Variants in PCDHGA1 observed in about 807,000 individuals in gnomAD.
PCDHGA1 encodes the protein protocadherin gamma subfamily A, 1, also known as protocadherin gamma-A1.
Under a neutral mutation model 58.0 loss-of-function variants are expected in PCDHGA1, and 32 were observed. That is an observed-to-expected ratio of 0.55 (90% CI 0.42 to 0.74). PCDHGA1 has a LOEUF of 0.74. Among genes scored for constraint, PCDHGA1 ranks in the 30% least tolerant of loss-of-function variants. PCDHGA1 has a pLI of 0.00. For synonymous variants in PCDHGA1, 498 were observed against 501.1 expected, an observed-to-expected ratio of 0.99 and a Z score of 0.08; for missense variants, 1,205 against 1,182.3, an observed-to-expected ratio of 1.02 and a Z score of -0.28.
At chr5:141,461,617 C>T (rs1297064745) in intron 1 of PCDHGA1, among the ~76,000 whole-genome samples, 1 of 152,090 alleles carries the variant, frequency 6.6e-6, no homozygotes, top group African/African-American at 2.4e-5. Flanking sequence ...AAAGTATTTT[C>T]TAATACACCT....
intron 1 of PCDHGA1, chr5:141,339,494 A>AAT: frequency 6.2e-7 from 1 of 1,614,110 alleles, no homozygotes; most frequent in Non-Finnish European, 8.5e-7. Flanking sequence ...ACTCAACCCA[A>AAT]ATGACCACTT....
intron 1 of PCDHGA1, chr5:141,367,611 T>G (rs868477052): frequency 6.6e-6 from 1 of 152,038 alleles, no homozygotes; most frequent in Non-Finnish European, 1.5e-5. Flanking sequence ...AATGATAACA[T>G]GTAGCATTCT....
chr5:141,485,886 A>G lies in PCDHGA1; in HGVS notation c.2422-8921A>G. 1.9e-6 allele frequency: 3 copies of G among 1,614,132 alleles called. No individual in the cohort carries two copies. Among genetic ancestry groups the G allele is most frequent in the Non-Finnish European group, 2.5e-6 (3 of 1,180,016 alleles). On this transcript the variant is annotated intron_variant, in intron 1 of 3. Transcript: ENST00000517417. This position sits in a 1 kb window ranked among gnomAD's most constrained non-coding sequence, Gnocchi z 5.7. ...GTATCCGTGCTGGACGTAAACGACAACGCCCCAGCCTTCCAGCAATCCAGC... is the reference window on the plus strand; with the variant it reads ...GTATCCGTGCTGGACGTAAACGACAGCGCCCCAGCCTTCCAGCAATCCAGC...
At chr5:141,366,240 C>T (rs750277167) in intron 1 of PCDHGA1, 11 of 1,613,680 alleles carry the variant, frequency 6.8e-6, no homozygotes, top group African/African-American at 5.3e-5. Flanking sequence ...GACAGAGACG[C>T]GCTCAAGCAG....
At chr5:141,484,383 A>C (rs968059260) in intron 1 of PCDHGA1, among the ~76,000 whole-genome samples, 1 of 152,194 alleles carries the variant, frequency 6.6e-6, no homozygotes, top group Non-Finnish European at 1.5e-5. Context: ...ATGTCTGAAT[A>C]AGAAAGGTTT....
chr5:141,361,744 C>T, intron 1 of PCDHGA1: 1 of 1,613,118 alleles, frequency 6.2e-7, no homozygotes, highest in Non-Finnish European at 8.5e-7. Context: ...GGCCCGCGAC[C>T]AGGGCTCGCC....
At chr5:141,418,829 C>T in intron 1 of PCDHGA1, 1 of 1,613,856 alleles carries the variant, frequency 6.2e-7, no homozygotes, top group Non-Finnish European at 8.5e-7. Flanking sequence ...AGCAAAAGAC[C>T]GAGGATCTCT....
chr5:141,360,791 A>T, intron 1 of PCDHGA1: 2 of 1,613,920 alleles, frequency 1.2e-6, no homozygotes, highest in East Asian at 4.5e-5. Context: ...GATGGCGGAG[A>T]CCCACCTCAA....
At chr5:141,357,472 T>C in intron 1 of PCDHGA1, 1 of 1,614,168 alleles carries the variant, frequency 6.2e-7, no homozygotes, top group Non-Finnish European at 8.5e-7. Context: ...CCACGAGGTC[T>C]CCCTCACCGC....
intron 1 of PCDHGA1, among the ~76,000 whole-genome samples, chr5:141,379,866 T>A (rs1199183265): frequency 1.3e-5 from 2 of 149,428 alleles, no homozygotes; most frequent in Non-Finnish European, 3.0e-5. Context: ...GTCTTATTCT[T>A]ATTTTATGGT....
At chr5:141,450,702 G>A (rs1466981422) in intron 1 of PCDHGA1, among the ~76,000 whole-genome samples, 1 of 152,026 alleles carries the variant, frequency 6.6e-6, no homozygotes, top group Non-Finnish European at 1.5e-5. Flanking sequence ...GCCCAGGATG[G>A]TCTCCAACTC....
At position 141,476,033 on chromosome 5, in the gene PCDHGA1, C is replaced by T; in HGVS notation, c.2422-18774C>T. On this transcript the variant is annotated intron_variant, in intron 1 of 3. Transcript: ENST00000517417. The surrounding 1 kb of genome is among the most constrained non-coding windows in gnomAD (Gnocchi z 7.6). The stretch of plus-strand genomic sequence containing the variant: ...GCCATGTCGGACTCGGCGCCCAGCG[C>T]CCAAGCGCTAACCCGCTGAAAGTTT... 6.8e-7 allele frequency: 1 copy of T among 1,469,590 alleles called. No individual in the cohort carries two copies. Among genetic ancestry groups the T allele is most frequent in the Non-Finnish European group, 9.0e-7 (1 of 1,105,326 alleles). 91.0% of individuals were successfully genotyped at this position (1,469,590 alleles called of 1,614,324 possible). A position where few individuals can be genotyped will look rare whatever the true frequency, so the allele number is the denominator to read the frequency against.
chr5:141,395,525 G>A, intron 1 of PCDHGA1: 2 of 384,022 alleles, frequency 5.2e-6, no homozygotes, highest in Non-Finnish European at 9.3e-6. Flanking sequence ...CGTCCATACT[G>A]GTAATTTTGC....
At position 141,485,464 on chromosome 5, in the gene PCDHGA1, G is replaced by A. The variant is rs2099614016; in HGVS notation, c.2422-9343G>A. ...CAATCGACCGAGAGGCACTGTGTGG[G>A]CTCAGTGCCAGCTGCATCGTGCCCC... is the stretch of plus-strand genomic sequence containing the variant. On this transcript the variant is annotated intron_variant, in intron 1 of 3. Coordinates refer to ENST00000517417, the MANE Select transcript of PCDHGA1 (RefSeq NM_018912.3). The surrounding 1 kb of genome is among the most constrained non-coding windows in gnomAD (Gnocchi z 5.7). 6.2e-7 allele frequency: 1 copy of A among 1,614,106 alleles called. No homozygotes were observed. The highest frequency in any genetic ancestry group is 8.5e-7 in the Non-Finnish European group (1 of 1,179,958).
intron 1 of PCDHGA1, among the ~76,000 whole-genome samples, chr5:141,380,043 G>A (rs1366839689): frequency 6.6e-6 from 1 of 151,834 alleles, no homozygotes; most frequent in Non-Finnish European, 1.5e-5. Context: ...GGGATTACAG[G>A]TGCATGCCAC....
chr5:141,364,548 A>G, intron 1 of PCDHGA1: 5 of 1,614,106 alleles, frequency 3.1e-6, no homozygotes, highest in Non-Finnish European at 4.2e-6. Context: ...GGTAGGACGC[A>G]GCTTTTTGCC....
At chr5:141,360,937 G>C (rs1430087223) in intron 1 of PCDHGA1, 2 of 1,613,962 alleles carry the variant, frequency 1.2e-6, no homozygotes, top group Admixed American at 1.7e-5. Context: ...GACAGCCACC[G>C]ACCGGGATGA....
chr5:141,364,224 C>T (rs538812851), intron 1 of PCDHGA1: 29 of 1,356,016 alleles, frequency 2.1e-5, no homozygotes, highest in Admixed American at 6.0e-5. Context: ...GAAAAGCCAA[C>T]GCTCCACGCC....
intron 1 of PCDHGA1, chr5:141,421,214 G>T (rs1469085534): frequency 5.1e-6 from 8 of 1,561,612 alleles, no homozygotes; most frequent in Non-Finnish European, 6.9e-6. Flanking sequence ...CGGAATATCG[G>T]CTTAGAGCCT....
Sources: gnomAD v4.1 joint callset for allele counts (sites outside exome capture counted in the v4.1 genomes callset) on GRCh38, gnomAD v4.1.1 for gene constraint, Gnocchi (gnomAD v3.1) non-coding constraint, MANE v1.5 for transcripts, NCBI Gene and HGNC (gene_info 2026-07-23, HGNC 2026-07-21) for gene names.